GRIK4: variants seen among roughly 807,000 people sequenced by gnomAD.
GRIK4 encodes the protein glutamate receptor ionotropic, kainate 4.
A neutral mutation model predicts 104.9 loss-of-function variants in GRIK4; 40 were observed. The observed-to-expected ratio is 0.38, with a 90% confidence interval of 0.30 to 0.50. The LOEUF (loss-of-function observed/expected upper bound fraction) is 0.50. Among genes scored for constraint, GRIK4 ranks in the 20% least tolerant of loss-of-function variants. GRIK4 has a pLI of 0.93. For synonymous variants in GRIK4, 485 were observed against 524.9 expected (o/e 0.92, Z 1.04); for missense variants, 1,047 against 1,308.1 (o/e 0.80, Z 3.08).
intron 3 of GRIK4, among the ~76,000 whole-genome samples, chr11:120,661,009 G>A (rs927980904): frequency 6.6e-6 from 1 of 152,194 alleles, no homozygotes; most frequent in African/African-American, 2.4e-5. Flanking sequence ...CCCATCCCTG[G>A]AGGGGCGGGT....
At chr11:120,639,446 A>G (rs911412789) in intron 1 of GRIK4, among the ~76,000 whole-genome samples, 4 of 152,000 alleles carry the variant, frequency 2.6e-5, no homozygotes, top group East Asian at 1.9e-4. Flanking sequence ...TGGGCTCACT[A>G]TCCCTTGCTC....
At chr11:120,793,145 A>G (rs1484702239) in intron 3 of GRIK4, among the ~76,000 whole-genome samples, 5 of 152,222 alleles carry the variant, frequency 3.3e-5, no homozygotes, top group African/African-American at 1.2e-4. Context: ...CAGTTTTGCA[A>G]AAATGAATAT....
chr11:120,893,686 G>T (rs147459436), intron 11 of GRIK4, among the ~76,000 whole-genome samples: 2 of 152,210 alleles, frequency 1.3e-5, no homozygotes, highest in African/African-American at 4.8e-5. Context: ...GTACACATCC[G>T]TTCCCAGCTC....
intron 13 of GRIK4, among the ~76,000 whole-genome samples, chr11:120,913,915 G>C (rs569711095): frequency 2.7e-5 from 4 of 150,314 alleles, no homozygotes; most frequent in Non-Finnish European, 5.9e-5. Context: ...CTTGAAGCCA[G>C]AGACTATTTT....
rs781255341 is a variant in GRIK4, at chr11:120,871,906, G to T, written c.907-2160G>T. 112 of 456,318 alleles carry T rather than the reference G, an allele frequency of 2.5e-4. 3 individuals are homozygous for T. Among genetic ancestry groups the T allele is most frequent in the South Asian group, 1.5e-3 (99 of 64,572 alleles). The allele number at this position is 456,318 out of a possible 1,614,324, so 28.3% of individuals were successfully genotyped here. ...CAAACTTTGTTGACTGTTTTGCTCT[G>T]TAATTGCCTTTTAAAGAGATTATCC... is the stretch of plus-strand genomic sequence containing the variant. On this transcript the variant is annotated intron_variant, in intron 9 of 20. Transcript: ENST00000527524.
In GRIK4 at chr11:120,967,405, T is replaced by A. The variant is rs977007646; in HGVS notation, c.2395+82T>A. The A allele has an allele frequency of 2.4e-5, 35 of 1,452,876 alleles. No homozygotes were observed. The highest frequency in any genetic ancestry group is 2.8e-5 in the African/African-American group (2 of 71,000). The allele number at this position is 1,452,876 out of a possible 1,614,324, so 90.0% of individuals were successfully genotyped here. A position where few individuals can be genotyped will look rare whatever the true frequency, so the allele number is the denominator to read the frequency against. ...CTCGTGTTCAAATTCCAGGTACACA[T>A]AATGACTTGTAGGACCCATTGAGAA... On this transcript the variant is annotated intron_variant, in intron 19 of 20. Coordinates refer to ENST00000527524, the MANE Select transcript of GRIK4 (RefSeq NM_014619.5). This position sits in a 1 kb window ranked among gnomAD's most constrained non-coding sequence, Gnocchi z 4.2.
At chr11:120,800,843 A>G (rs1266441127) in intron 3 of GRIK4, among the ~76,000 whole-genome samples, 1 of 152,242 alleles carries the variant, frequency 6.6e-6, no homozygotes, top group African/African-American at 2.4e-5. Flanking sequence ...TTCAAGGGCC[A>G]CGTGTCAGTG....
intron 3 of GRIK4, among the ~76,000 whole-genome samples, chr11:120,746,069 A>C (rs1430586339): frequency 6.6e-6 from 1 of 150,724 alleles, no homozygotes; most frequent in African/African-American, 2.5e-5. Context: ...TCACAGAGTC[A>C]CTGTGAAAAG....
chr11:120,799,367 G>A (rs1405690830), intron 3 of GRIK4, among the ~76,000 whole-genome samples: 1 of 152,168 alleles, frequency 6.6e-6, no homozygotes, highest in African/African-American at 2.4e-5. Flanking sequence ...AGAGGTCCAG[G>A]GGCAAGCCTG....
At chr11:120,868,958 T>TA (rs1397060644) in intron 9 of GRIK4, 2 of 151,610 alleles carry the variant, frequency 1.3e-5, no homozygotes, top group Non-Finnish European at 2.9e-5. Flanking sequence ...GCTAAATGAG[T>TA]AAGTAATAGC....
Position 120,898,596 on chromosome 11 carries a change from C to T in GRIK4, c.1229C>T (p.Ser410Leu), listed in dbSNP as rs762603798. Residue 410 changes from serine to leucine, a missense_variant, in exon 12 of 21, where the codon TCG becomes TTG. By Grantham distance (145) the Ser-to-Leu change is moderately radical. Coordinates refer to ENST00000527524, the MANE Select transcript of GRIK4 (RefSeq NM_014619.5). ...MDSHLYASNI[S>L]DTLFNTTLVV... ...AGCCACCTCTATGCCTCCAACATCTCGGACACTCTCTTCAACACCACCCTG... is the reference window on the plus strand; with the variant it reads ...AGCCACCTCTATGCCTCCAACATCTTGGACACTCTCTTCAACACCACCCTG... 10 of 1,612,720 alleles carry T rather than the reference C, an allele frequency of 6.2e-6. No individual in the cohort carries two copies. Among genetic ancestry groups the T allele is most frequent in the Middle Eastern group, 1.7e-4 (1 of 6,058 alleles).
intron 11 of GRIK4, among the ~76,000 whole-genome samples, 160 bp from the exon 12 acceptor site, chr11:120,898,372 C>T (rs1407812207): frequency 6.6e-6 from 1 of 151,796 alleles, no homozygotes; most frequent in Non-Finnish European, 1.5e-5. Context: ...CCCCCCAACC[C>T]TGGGAAACAG....
chr11:120,931,716 C>T (rs1254565010), intron 13 of GRIK4, among the ~76,000 whole-genome samples: 1 of 152,152 alleles, frequency 6.6e-6, no homozygotes, highest in African/African-American at 2.4e-5. Flanking sequence ...ATGTAAAGGG[C>T]TTAGTTCAGT....
chr11:120,932,824 G>A (rs1273978588), intron 13 of GRIK4, among the ~76,000 whole-genome samples: 2 of 152,144 alleles, frequency 1.3e-5, no homozygotes, highest in Non-Finnish European at 2.9e-5. Flanking sequence ...CTGCTGGCAT[G>A]TAGAGGGGGC....
intron 3 of GRIK4, among the ~76,000 whole-genome samples, chr11:120,684,141 A>G (rs573233871): frequency 2.0e-5 from 3 of 152,110 alleles, no homozygotes; most frequent in Non-Finnish European, 4.4e-5. Context: ...CCTGGGCAAC[A>G]TAGGGAGACC....
intron 3 of GRIK4, among the ~76,000 whole-genome samples, chr11:120,775,027 A>G (rs1952013883): frequency 6.6e-6 from 1 of 152,134 alleles, no homozygotes; most frequent in Admixed American, 6.5e-5. Flanking sequence ...GCACCCAGCA[A>G]TCCTTCCTTC....
chr11:120,739,770 G>A (rs1951293788), intron 3 of GRIK4, among the ~76,000 whole-genome samples: 1 of 152,218 alleles, frequency 6.6e-6, no homozygotes, highest in African/African-American at 2.4e-5. Context: ...GATGCTCAGT[G>A]TCAGTATGCA....
At chr11:120,851,320 C>A (rs1953968928) in intron 8 of GRIK4, among the ~76,000 whole-genome samples, 3 of 152,194 alleles carry the variant, frequency 2.0e-5, no homozygotes, top group Admixed American at 2.0e-4. Flanking sequence ...TGGGGCTCTG[C>A]ACATGCTGTG....
intron 1 of GRIK4, among the ~76,000 whole-genome samples, chr11:120,652,491 A>G (rs570326414): frequency 1.3e-5 from 2 of 151,878 alleles, no homozygotes; most frequent in African/African-American, 2.4e-5. Flanking sequence ...GAGCAGACTC[A>G]CTCCCCTGTC....
Sources: gnomAD v4.1 joint callset for allele counts (sites outside exome capture counted in the v4.1 genomes callset) on GRCh38, gnomAD v4.1.1 for gene constraint, Gnocchi (gnomAD v3.1) non-coding constraint, MANE v1.5 for transcripts, NCBI Gene and HGNC (gene_info 2026-07-23, HGNC 2026-07-21) for gene names.